HACD3: variants seen among roughly 807,000 people sequenced by gnomAD.
HACD3 encodes 3-hydroxyacyl-CoA dehydratase 3, also known as very-long-chain (3R)-3-hydroxyacyl-CoA dehydratase 3.
A neutral mutation model predicts 55.2 loss-of-function variants in HACD3; 30 were observed. The observed-to-expected ratio is 0.54, with a 90% CI of 0.41 to 0.74. The LOEUF (loss-of-function observed/expected upper bound fraction) is 0.74, where lower values mean the gene tolerates loss of function less well. HACD3 is among the 30% of genes least tolerant of loss of function. The pLI is 0.00. For missense variants in HACD3, 363 were observed against 440.1 expected (o/e 0.82, Z 1.57); for synonymous variants, 141 against 151.7 (o/e 0.93, Z 0.52).
chr15:65,569,368 T>G (rs2072326523), intron 7 of HACD3, among the ~76,000 whole-genome samples: 1 of 151,210 alleles, frequency 6.6e-6, no homozygotes, highest in Admixed American at 6.6e-5. Context: ...ACAGGCAAAA[T>G]GAAACAATAT....
chr15:65,540,051 G>A (rs1211819733), intron 1 of HACD3, among the ~76,000 whole-genome samples: 2 of 152,078 alleles, frequency 1.3e-5, no homozygotes, highest in Non-Finnish European at 2.9e-5. Flanking sequence ...ATCTGTTTCT[G>A]TTTTATTTCT....
intron 7 of HACD3, 37 bp downstream of exon 7, chr15:65,564,379 G>C (rs201404378): frequency 6.2e-7 from 1 of 1,600,214 alleles, no homozygotes; most frequent in Non-Finnish European, 8.5e-7. Context: ...GGTAATGGAA[G>C]GTCCCATTAT....
At position 65,576,761 on chromosome 15, in the gene HACD3, G is replaced by GA. The variant is rs916834875; in HGVS notation, c.*389dup. On this transcript the variant is annotated 3_prime_UTR_variant, in exon 11 of 11. Transcript: ENST00000261875. ...TTTGTTCTTTTCAGCTATTGCTTGT[G>GA]AAAAAAAGCAAGACTATGTCACTCT... 6 of 183,346 alleles carry GA rather than the reference G, an allele frequency of 3.3e-5. No homozygotes were observed. Among genetic ancestry groups the GA allele is most frequent in the Admixed American group, 2.3e-4 (4 of 17,084 alleles). The allele number at this position is 183,346 out of a possible 1,614,324, so 11.4% of individuals were successfully genotyped here.
chr15:65,571,732 C>A, intron 9 of HACD3, 78 bp downstream of exon 9: 1 of 1,112,980 alleles, frequency 9.0e-7, no homozygotes, highest in Non-Finnish European at 1.3e-6. Flanking sequence ...CCTTTCTTCC[C>A]CGGCCTTAGT....
Position 65,572,332 on chromosome 15 carries a change from T to G in HACD3, c.978T>G (p.Phe326Leu), listed in dbSNP as rs2072356440. 1 of 1,612,190 alleles carries G rather than the reference T, an allele frequency of 6.2e-7. No individual in the cohort carries two copies. The highest frequency in any genetic ancestry group is 1.7e-5 in the Admixed American group (1 of 59,858). ...YPVKIKVRFS[F>L]FLQIYLIMIF... ...TGAAAATCAAAGTTAGATTTTCCTT[T>G]TTTCTTCAGATTTATCTTATAATGA... The change falls in exon 10 of 11, where the codon TTT becomes TTG. Residue 326 changes from phenylalanine (F) to leucine (L), a missense_variant. Coordinates refer to ENST00000261875, the MANE Select transcript of HACD3 (RefSeq NM_016395.4).
chr15:65,533,405 A>G (rs1227332478), intron 1 of HACD3, among the ~76,000 whole-genome samples: 1 of 152,240 alleles, frequency 6.6e-6, no homozygotes, highest in Non-Finnish European at 1.5e-5. Context: ...GACTAGTATA[A>G]GAACAAAACT....
intron 1 of HACD3, among the ~76,000 whole-genome samples, chr15:65,536,886 A>T (rs533645034): frequency 6.6e-6 from 1 of 152,348 alleles, no homozygotes; most frequent in South Asian, 2.1e-4. Flanking sequence ...AGACAGGCTG[A>T]AAGCTAGGCC....
chr15:65,535,983 C>T, intron 1 of HACD3: 1 of 409,348 alleles, frequency 2.4e-6, no homozygotes, highest in South Asian at 8.4e-5. Flanking sequence ...AACCACTGTG[C>T]CTAGCCTTGA....
intron 1 of HACD3, among the ~76,000 whole-genome samples, chr15:65,550,216 C>G (rs1386870064): frequency 6.6e-6 from 1 of 151,990 alleles, no homozygotes; most frequent in Non-Finnish European, 1.5e-5. Flanking sequence ...GGTGAAACCT[C>G]GTCTCTGCAA....
chr15:65,552,449 C>T (rs1266702349), intron 2 of HACD3, among the ~76,000 whole-genome samples: 1 of 152,116 alleles, frequency 6.6e-6, no homozygotes, highest in Non-Finnish European at 1.5e-5. Flanking sequence ...GATTCTCGTG[C>T]CTCAGTCTCC....
chr15:65,550,727 C>G (rs961743422), intron 1 of HACD3: 1 of 152,148 alleles, frequency 6.6e-6, no homozygotes, highest in African/African-American at 2.4e-5. Context: ...TTGGGTTGTT[C>G]TGGCTTGGAA....
intron 1 of HACD3, among the ~76,000 whole-genome samples, chr15:65,541,836 C>G (rs1414223090): frequency 6.6e-6 from 1 of 151,528 alleles, no homozygotes; most frequent in African/African-American, 2.4e-5. Context: ...AGAGTAAGGT[C>G]TTTATGAGCT....
At chr15:65,547,411 G>A (rs142114174) in intron 1 of HACD3, among the ~76,000 whole-genome samples, 3 of 152,274 alleles carry the variant, frequency 2.0e-5, no homozygotes, top group East Asian at 1.9e-4. Flanking sequence ...CACCGCGCCC[G>A]GCCAAGTACC....
At chr15:65,548,588 T>C (rs1004046714) in intron 1 of HACD3, among the ~76,000 whole-genome samples, 2 of 152,118 alleles carry the variant, frequency 1.3e-5, no homozygotes, top group Non-Finnish European at 2.9e-5. Flanking sequence ...CACTCCTTTT[T>C]TTGAGACAGG....
intron 7 of HACD3, among the ~76,000 whole-genome samples, chr15:65,568,600 C>G (rs941272985): frequency 1.3e-5 from 2 of 151,978 alleles, no homozygotes; most frequent in Non-Finnish European, 2.9e-5. Context: ...CTCAAATGAT[C>G]TGCCAGCCTC....
rs550746367 is a variant in HACD3, at chr15:65,541,430, T to C, written c.88-10246T>C. Among the ~76,000 whole-genome samples the C allele has an allele frequency of 2.6e-5, 4 of 152,252 alleles. No homozygotes were observed. The South Asian group carries it at 8.3e-4, about 32-fold the overall frequency. The stretch of plus-strand genomic sequence containing the variant: ...AAAACACACCTTGTAGTTAAATAAG[T>C]TGGGTTTATTGCTTGTTCCAGTGAG... On this transcript the variant is annotated intron_variant, in intron 1 of 10. Coordinates refer to ENST00000261875, the MANE Select transcript of HACD3 (RefSeq NM_016395.4).
intron 8 of HACD3, among the ~76,000 whole-genome samples, chr15:65,571,288 C>G (rs567129024): frequency 3.3e-5 from 5 of 152,144 alleles, no homozygotes; most frequent in Admixed American, 1.3e-4. Flanking sequence ...CAAAAAACAT[C>G]TGAGTATCCA....
In HACD3 at chr15:65,571,533, AT is replaced by A. The variant is rs1567341082; in HGVS notation, c.774-12del. On this transcript the variant is annotated splice_polypyrimidine_tract_variant and intron_variant, in intron 8 of 10. Coordinates refer to ENST00000261875, the MANE Select transcript of HACD3 (RefSeq NM_016395.4). The stretch of plus-strand genomic sequence containing the variant: ...TGAAGTGGCTTTTCACATTGGAATC[AT>A]TTATTTTCAATAGGTACTCTTTCTA... The A allele has an allele frequency of 6.3e-7, 1 of 1,597,374 alleles. No individual in the cohort carries two copies.
intron 1 of HACD3, among the ~76,000 whole-genome samples, chr15:65,532,939 T>C (rs1003619696): frequency 6.6e-6 from 1 of 152,176 alleles, no homozygotes; most frequent in Non-Finnish European, 1.5e-5. Context: ...TGTAGGAGTA[T>C]GTTTATTGGT....
Sources: gnomAD v4.1 joint callset for allele counts (sites outside exome capture counted in the v4.1 genomes callset) on GRCh38, gnomAD v4.1.1 for gene constraint, MANE v1.5 for transcripts, NCBI Gene and HGNC (gene_info 2026-07-23, HGNC 2026-07-21) for gene names.